The following KCNJ6 variants were observed in gnomAD, a reference collection of about 807,000 sequenced individuals.
KCNJ6 encodes G protein-activated inward rectifier potassium channel 2.
Under a neutral mutation model 34.2 loss-of-function variants are expected in KCNJ6, and 9 were observed. The observed-to-expected ratio is 0.26, with a 90% CI of 0.16 to 0.46. The LOEUF (loss-of-function observed/expected upper bound fraction) is 0.46, where lower values mean the gene tolerates loss of function less well. Ranked by LOEUF, KCNJ6 falls within the 20% of genes least tolerant of loss-of-function variation. The pLI is 1.00. For missense variants in KCNJ6, 236 were observed against 531.3 expected, an observed-to-expected ratio of 0.44 and a Z score of 5.46; for synonymous variants, 196 against 207.1, an observed-to-expected ratio of 0.95 and a Z score of 0.46.
In KCNJ6 at chr21:37,617,912, G is replaced by A. The variant is rs1218983179; in HGVS notation, c.*7247C>T. ...AGGTGCTCTGTGGGGTCAAGGGTGT[G>A]GGGCAAGTTAAGCTTGAAAGATACA... is the stretch of plus-strand genomic sequence containing the variant. On this transcript the variant is annotated 3_prime_UTR_variant, in exon 4 of 4. Transcript: ENST00000609713. The A allele has an allele frequency of 6.6e-6, 1 of 152,278 alleles. No individual in the cohort carries two copies. Among genetic ancestry groups the A allele is most frequent in the Non-Finnish European group, 1.5e-5 (1 of 68,102 alleles). The allele number at this position is 152,278 out of a possible 1,614,324, so 9.4% of individuals were successfully genotyped here. A position where few individuals can be genotyped will look rare whatever the true frequency, so the allele number is the denominator to read the frequency against.
chr21:37,608,277 T>G lies in KCNJ6; in HGVS notation c.*16882A>C, dbSNP rs1291901692. The G allele has an allele frequency of 6.6e-6, 1 of 152,272 alleles. No homozygotes were observed. Among genetic ancestry groups the G allele is most frequent in the Non-Finnish European group, 1.5e-5 (1 of 68,078 alleles). 9.4% of individuals were successfully genotyped at this position (152,272 alleles called of 1,614,324 possible). A position where few individuals can be genotyped will look rare whatever the true frequency, so the allele number is the denominator to read the frequency against. On this transcript the variant is annotated 3_prime_UTR_variant, in exon 4 of 4. Transcript: ENST00000609713. ...TGTGTGTTTCTGTTTTAAGACCCTC[T>G]CCCATGCTGGCCTTGCAAACTGAAA...
intron 3 of KCNJ6, among the ~76,000 whole-genome samples, chr21:37,669,602 T>TGTGA (rs1181089596): frequency 6.7e-6 from 1 of 149,478 alleles, no homozygotes; most frequent in Non-Finnish European, 1.5e-5. Context: ...TGTGTGTGTG[T>TGTGA]GAATGTGCAT....
At chr21:37,664,178 T>C (rs1397343975) in intron 3 of KCNJ6, among the ~76,000 whole-genome samples, 2 of 152,046 alleles carry the variant, frequency 1.3e-5, no homozygotes, top group Admixed American at 1.3e-4. Flanking sequence ...AATAAAAAAC[T>C]ACATATAAAA....
intron 2 of KCNJ6, among the ~76,000 whole-genome samples, chr21:37,816,348 G>A (rs2055346875): frequency 2.0e-5 from 3 of 152,200 alleles, no homozygotes; most frequent in Non-Finnish European, 2.9e-5. Context: ...GCAAGGGCTT[G>A]GGGTTGCTTC....
intron 1 of KCNJ6, among the ~76,000 whole-genome samples, chr21:37,893,562 C>G (rs1421334882): frequency 6.6e-6 from 1 of 152,076 alleles, no homozygotes; most frequent in Non-Finnish European, 1.5e-5. Flanking sequence ...CTTCTTGCAA[C>G]AGCACTCGGC....
chr21:37,890,298 A>G (rs562140832), intron 1 of KCNJ6, among the ~76,000 whole-genome samples: 50 of 152,302 alleles, frequency 3.3e-4, no homozygotes, highest in African/African-American at 1.1e-3. Flanking sequence ...CCTCACTATC[A>G]TGAGAATAGC....
intron 2 of KCNJ6, among the ~76,000 whole-genome samples, chr21:37,791,463 T>A (rs1247406060): frequency 2.0e-5 from 3 of 152,182 alleles, no homozygotes; most frequent in Non-Finnish European, 4.4e-5. Context: ...ACAAGCACAT[T>A]GTCCCCTGAC....
chr21:37,869,171 G>C, intron 1 of KCNJ6, among the ~76,000 whole-genome samples: 1 of 152,236 alleles, frequency 6.6e-6, no homozygotes, highest in Non-Finnish European at 1.5e-5. Context: ...GGGACATGGA[G>C]GGATAGAAGC....
At position 37,714,451 on chromosome 21, in the gene KCNJ6, A is replaced by T; in HGVS notation, c.706T>A (p.Ser236Thr). 1.2e-6 allele frequency: 2 copies of T among 1,614,150 alleles called. No homozygotes were observed. Among genetic ancestry groups the T allele is most frequent in the Non-Finnish European group, 1.7e-6 (2 of 1,180,002 alleles). ...GATTTGATCAACTTGGCTCTGATGG[A>T]AGCCTCCACAATGTGGGAATTCCTA... ...DLRNSHIVEA[S>T]IRAKLIKSKQ... The change falls in exon 3 of 4, where the codon TCC (serine) becomes ACC (threonine). Residue 236 changes from serine (S) to threonine (T), a missense_variant. Ser to Thr is a moderately conservative substitution (Grantham distance 58). Coordinates refer to ENST00000609713, the MANE Select transcript of KCNJ6 (RefSeq NM_002240.5). This position sits in a 1 kb window ranked among gnomAD's most constrained non-coding sequence, Gnocchi z 5.9.
At chr21:37,767,004 G>T (rs1027477913) in intron 2 of KCNJ6, among the ~76,000 whole-genome samples, 1 of 152,110 alleles carries the variant, frequency 6.6e-6, no homozygotes, top group Non-Finnish European at 1.5e-5. Flanking sequence ...TGGAAAAATT[G>T]TCTTCCACAA....
intron 1 of KCNJ6, among the ~76,000 whole-genome samples, chr21:37,846,312 A>G (rs1009424993): frequency 6.6e-6 from 1 of 151,500 alleles, no homozygotes; most frequent in African/African-American, 2.4e-5. Context: ...GAGGGCAATT[A>G]TAACAGTCTG....
At chr21:37,747,906 TTCCAGCTGCATAAGG>T (rs1441387239) in intron 2 of KCNJ6, among the ~76,000 whole-genome samples, 1 of 152,216 alleles carries the variant, frequency 6.6e-6, no homozygotes, top group Non-Finnish European at 1.5e-5. Context: ...TCGTAGTTTG[TTCCAGCTGCATAAGG>T]AAACTAACAC....
Position 37,610,598 on chromosome 21 carries a change from T to TAAAAAAAAAAAAAAAAAAA in KCNJ6, c.*14542_*14560dup, listed in dbSNP as rs71328602. 1.3e-5 allele frequency: 1 copy of TAAAAAAAAAAAAAAAAAAA among 77,474 alleles called. No individual in the cohort carries two copies. Among genetic ancestry groups the TAAAAAAAAAAAAAAAAAAA allele is most frequent in the African/African-American group, 5.7e-5 (1 of 17,432 alleles). The allele number at this position is 77,474 out of a possible 1,614,324, so 4.8% of individuals were successfully genotyped here. A position where few individuals can be genotyped will look rare whatever the true frequency, so the allele number is the denominator to read the frequency against. ...TGGGCAACAGAGTGAGACTCTGTCT[T>TAAAAAAAAAAAAAAAAAAA]AAAAAAAAAAAAAAAAAAAAAAGGA... On this transcript the variant is annotated 3_prime_UTR_variant, in exon 4 of 4. Transcript: ENST00000609713.
intron 2 of KCNJ6, among the ~76,000 whole-genome samples, chr21:37,776,632 T>C (rs1454707186): frequency 1.3e-5 from 2 of 152,228 alleles, no homozygotes; most frequent in African/African-American, 4.8e-5. Context: ...ATTGGTTCTG[T>C]TTATATGCTG....
Position 37,690,492 on chromosome 21 carries a change from T to C in KCNJ6, c.946+23719A>G, listed in dbSNP as rs889641566. Among the ~76,000 whole-genome samples, 64 of 152,338 alleles carry C rather than the reference T, an allele frequency of 4.2e-4. 1 individual carries two copies. The highest frequency in any genetic ancestry group is 1.9e-3 in the Admixed American group (29 of 15,308). ...TGGAGCTGCATGCTTGCATTTGTAA[T>C]GGGCATTGCTGGGATAAAAGGTCTC... On this transcript the variant is annotated intron_variant, in intron 3 of 3. Transcript: ENST00000609713.
At chr21:37,837,143 G>A (rs1056150158) in intron 2 of KCNJ6, among the ~76,000 whole-genome samples, 4 of 151,852 alleles carry the variant, frequency 2.6e-5, no homozygotes, top group South Asian at 2.1e-4. Context: ...TGCTTTGTGC[G>A]TGTTTTTGTT....
At chr21:37,910,001 T>C (rs887125640) in intron 1 of KCNJ6, among the ~76,000 whole-genome samples, 4 of 152,204 alleles carry the variant, frequency 2.6e-5, no homozygotes, top group African/African-American at 9.7e-5. Context: ...TTGTGCCATG[T>C]CTGAGCAGAA....
At chr21:37,763,008 A>G (rs1392586014) in intron 2 of KCNJ6, among the ~76,000 whole-genome samples, 4 of 152,186 alleles carry the variant, frequency 2.6e-5, no homozygotes, top group African/African-American at 9.6e-5. Flanking sequence ...GCAGATGAAA[A>G]CAGGGCTGTC....
Position 37,789,485 on chromosome 21 carries a change from C to T in KCNJ6, c.25+51173G>A, listed in dbSNP as rs559016956. 2.6e-5 allele frequency among the ~76,000 whole-genome samples: 4 copies of T among 152,342 alleles called. No individual in the cohort carries two copies. The South Asian group carries it at 8.3e-4, about 32-fold the overall frequency. On this transcript the variant is annotated intron_variant, in intron 2 of 3. Coordinates refer to ENST00000609713, the MANE Select transcript of KCNJ6 (RefSeq NM_002240.5). ...AACCTGACTATGCTGGCACCATGAT[C>T]TTGGACTTCCAGCCCCTAGAATTGT... is the stretch of plus-strand genomic sequence containing the variant.
Sources: allele counts gnomAD v4.1 joint callset (sites outside exome capture counted in the v4.1 genomes callset), GRCh38; gene constraint gnomAD v4.1.1; non-coding constraint Gnocchi (gnomAD v3.1); transcripts MANE v1.5; gene names NCBI Gene and HGNC (gene_info 2026-07-23, HGNC 2026-07-21).